The following PTPRD variants were observed in gnomAD, a reference collection of about 807,000 sequenced individuals.
PTPRD encodes the protein receptor-type tyrosine-protein phosphatase delta.
PTPRD carries 34 observed loss-of-function variants against 214.5 expected under a neutral mutation model. The observed-to-expected ratio is 0.16, with a 90% confidence interval of 0.12 to 0.21. PTPRD has a LOEUF of 0.21. PTPRD is among the 10% of genes least tolerant of loss of function. The probability of loss-of-function intolerance (pLI) is 1.00; values close to 1 mark genes in which losing one functional copy is unlikely to be tolerated. For missense variants in PTPRD, 2,545 were observed against 2,398.7 expected, an observed-to-expected ratio of 1.06 and a Z score of -1.27; for synonymous variants, 1,128 against 845.7, an observed-to-expected ratio of 1.33 and a Z score of -5.79.
At chr9:9,414,961 C>G (rs973075414) in intron 8 of PTPRD, 28 of 152,306 alleles carry the variant, frequency 1.8e-4, no homozygotes, top group African/African-American at 6.7e-4. Context: ...AGAAGGGCCA[C>G]ACACTTGGCT....
intron 8 of PTPRD, among the ~76,000 whole-genome samples, chr9:9,471,708 A>G (rs1401095891): frequency 6.6e-6 from 1 of 152,154 alleles, no homozygotes; most frequent in African/African-American, 2.4e-5. Flanking sequence ...GAACAATTCA[A>G]TGCATTTCAG....
At chr9:8,690,180 C>G (rs1168905091) in intron 12 of PTPRD, among the ~76,000 whole-genome samples, 1 of 150,980 alleles carries the variant, frequency 6.6e-6, no homozygotes, top group Non-Finnish European at 1.5e-5. Flanking sequence ...AACAAAGTCA[C>G]AAAGGTAGGA....
At chr9:10,324,217 C>A (rs1284080246) in intron 3 of PTPRD, among the ~76,000 whole-genome samples, 1 of 151,962 alleles carries the variant, frequency 6.6e-6, no homozygotes, top group Admixed American at 6.6e-5. Context: ...ATATGCAACC[C>A]CTTATAAGAA....
chr9:9,011,439 A>T (rs1242813344), intron 11 of PTPRD, among the ~76,000 whole-genome samples: 1 of 152,204 alleles, frequency 6.6e-6, no homozygotes, highest in Non-Finnish European at 1.5e-5. Flanking sequence ...TAAGGATATA[A>T]TTACCTCTGT....
At chr9:8,770,995 C>T (rs1033350313) in intron 11 of PTPRD, among the ~76,000 whole-genome samples, 3 of 151,654 alleles carry the variant, frequency 2.0e-5, no homozygotes, top group African/African-American at 2.4e-5. Flanking sequence ...CTGGCTAATA[C>T]GGTGAAACCC....
At chr9:10,316,985 A>G (rs1030404020) in intron 3 of PTPRD, among the ~76,000 whole-genome samples, 1 of 151,954 alleles carries the variant, frequency 6.6e-6, no homozygotes, top group Non-Finnish European at 1.5e-5. Context: ...CAAAAAACAA[A>G]ACATGCATGC....
intron 10 of PTPRD, among the ~76,000 whole-genome samples, chr9:9,042,369 G>C (rs1040272464): frequency 1.3e-5 from 2 of 152,152 alleles, no homozygotes; most frequent in Non-Finnish European, 2.9e-5. Flanking sequence ...TTGGGACTAG[G>C]ACAATTCCAA....
chr9:8,548,552 G>T (rs1447745798), intron 14 of PTPRD, among the ~76,000 whole-genome samples: 1 of 151,838 alleles, frequency 6.6e-6, no homozygotes, highest in Non-Finnish European at 1.5e-5. Context: ...ATTTTTAGTA[G>T]AGATGGGGTT....
chr9:9,178,185 G>GT (rs1164190330), intron 10 of PTPRD, among the ~76,000 whole-genome samples: 1 of 151,696 alleles, frequency 6.6e-6, no homozygotes, highest in African/African-American at 2.4e-5. Context: ...GTGGCTGACT[G>GT]TGTGTGTGTG....
chr9:8,717,284 C>T (rs1206120309), intron 12 of PTPRD, among the ~76,000 whole-genome samples: 1 of 152,298 alleles, frequency 6.6e-6, no homozygotes, highest in African/African-American at 2.4e-5. Flanking sequence ...AAGAGAAATA[C>T]ACAAAGTGTA....
intron 3 of PTPRD, among the ~76,000 whole-genome samples, chr9:10,108,443 A>T (rs2098656863): frequency 6.6e-6 from 1 of 150,696 alleles, no homozygotes; most frequent in Non-Finnish European, 1.5e-5. Flanking sequence ...GAAATTTTGT[A>T]TTTTTTTTTA....
intron 9 of PTPRD, among the ~76,000 whole-genome samples, chr9:9,211,560 A>C (rs1359246963): frequency 7.7e-6 from 1 of 130,084 alleles, no homozygotes. Flanking sequence ...CACACACACA[A>C]GAGCTAAGGT....
intron 3 of PTPRD, among the ~76,000 whole-genome samples, chr9:10,272,543 T>C (rs2094477987): frequency 6.6e-6 from 1 of 152,210 alleles, no homozygotes; most frequent in Non-Finnish European, 1.5e-5. Flanking sequence ...ATTTTCTTCA[T>C]GTAATTTTCA....
rs549374367 is a variant in PTPRD, at chr9:9,083,201, G to C, written c.-142-64466C>G. ...ACAGCATGATACTGGTACCAAAACA[G>C]ATATATAGAACAATGGAACAGAACC... is the stretch of plus-strand genomic sequence containing the variant. On this transcript the variant is annotated intron_variant, in intron 10 of 45. Coordinates refer to ENST00000381196, the MANE Select transcript of PTPRD (RefSeq NM_002839.4). 3.9e-5 allele frequency among the ~76,000 whole-genome samples: 6 copies of C among 152,216 alleles called. No homozygotes were observed. The East Asian group carries it at 1.2e-3, about 29-fold the overall frequency.
intron 7 of PTPRD, among the ~76,000 whole-genome samples, chr9:9,704,052 T>G (rs1162471458): frequency 3.4e-5 from 5 of 146,352 alleles, no homozygotes; most frequent in African/African-American, 1.3e-4. Flanking sequence ...CTGGCCTAAT[T>G]TTAGTTTTTA....
chr9:9,581,856 A>T (rs1351596656), intron 7 of PTPRD, among the ~76,000 whole-genome samples: 1 of 152,168 alleles, frequency 6.6e-6, no homozygotes, highest in African/African-American at 2.4e-5. Flanking sequence ...TTATACATTT[A>T]TTCCACAAAT....
intron 9 of PTPRD, among the ~76,000 whole-genome samples, chr9:9,231,405 G>A (rs2099963020): frequency 1.3e-5 from 2 of 152,044 alleles, no homozygotes; most frequent in Admixed American, 6.6e-5. Flanking sequence ...GATATAATCA[G>A]GAATTTTACA....
At chr9:10,313,035 A>C (rs2096311801) in intron 3 of PTPRD, among the ~76,000 whole-genome samples, 1 of 151,896 alleles carries the variant, frequency 6.6e-6, no homozygotes, top group African/African-American at 2.4e-5. Context: ...GATTATCAAT[A>C]ATGATTGGAT....
chr9:10,424,470 G>A (rs371888238), intron 2 of PTPRD, among the ~76,000 whole-genome samples: 8 of 151,788 alleles, frequency 5.3e-5, no homozygotes, highest in African/African-American at 1.9e-4. Flanking sequence ...TTCACCATTT[G>A]AAAAGGAGGG....
Sources: gnomAD v4.1 joint callset for allele counts (sites outside exome capture counted in the v4.1 genomes callset) on GRCh38, gnomAD v4.1.1 for gene constraint, MANE v1.5 for transcripts, NCBI Gene and HGNC (gene_info 2026-07-23, HGNC 2026-07-21) for gene names.